The following ZNHIT6 variants were observed in gnomAD, a reference collection of about 807,000 sequenced individuals.
ZNHIT6 encodes zinc finger HIT-type containing 6.
Under a neutral mutation model 57.2 loss-of-function variants are expected in ZNHIT6, and 45 were observed. The ratio of observed to expected loss-of-function variants is 0.79; its 90% confidence interval spans 0.62 to 1.01. ZNHIT6 has a LOEUF of 1.01. ZNHIT6 is among the 50% of genes least tolerant of loss of function. The pLI is 0.00. For missense variants in ZNHIT6, 528 were observed against 567.3 expected (o/e 0.93, Z 0.70); for synonymous variants, 188 against 190.0 (o/e 0.99, Z 0.09).
chr1:85,685,595 T>C (rs1391919287), intron 5 of ZNHIT6, among the ~76,000 whole-genome samples: 1 of 152,246 alleles, frequency 6.6e-6, no homozygotes, highest in East Asian at 1.9e-4. Context: ...TTTCCTTTTT[T>C]GAGACAAGGT....
rs765314631 is a variant in ZNHIT6 at position 85,707,882 on chromosome 1, G to A, written c.403C>T (p.Pro135Ser). Residue 135 changes from proline to serine, a missense_variant, in exon 1 of 10, where the codon CCA becomes TCA. Physicochemically the swap from Pro to Ser is moderately conservative, Grantham distance 74. Coordinates refer to ENST00000370574, the MANE Select transcript of ZNHIT6 (RefSeq NM_017953.4). The part of the protein sequence containing the change: ...LVVKEAKVGE[P>S]EVKEEKVKEE... The stretch of plus-strand genomic sequence containing the variant: ...TTTACCTTCTCTTCCTTTACCTCTG[G>A]TTCACCCACCTTCGCTTCTTTTACC... 10 of 1,612,866 alleles carry A rather than the reference G, an allele frequency of 6.2e-6. No homozygotes were observed. The East Asian group carries it at 1.6e-4, about 25-fold the overall frequency.
chr1:85,681,931 T>C (rs2100684979), intron 5 of ZNHIT6, among the ~76,000 whole-genome samples: 1 of 152,078 alleles, frequency 6.6e-6, no homozygotes, highest in African/African-American at 2.4e-5. Context: ...GCAATATTCA[T>C]TATCTGTGAA....
At position 85,707,837 on chromosome 1, in the gene ZNHIT6, A is replaced by G; in HGVS notation, c.448T>C (p.Ser150Pro). Residue 150 changes from serine (S) to proline (P), a missense_variant, in exon 1 of 10, where the codon TCA (serine) becomes CCA (proline). Ser to Pro is a moderately conservative substitution (Grantham distance 74). Coordinates refer to ENST00000370574, the MANE Select transcript of ZNHIT6 (RefSeq NM_017953.4). ...TTATCCTTCTCTTCCTTCACTTCTG[A>G]CCAGTCCATTACCTCTTCCTTTACC... is the stretch of plus-strand genomic sequence containing the variant. ...EKVKEEVMDW[S>P]EVKEEKDNLE... 1.2e-6 allele frequency: 2 copies of G among 1,613,914 alleles called. No individual in the cohort carries two copies. The highest frequency in any genetic ancestry group is 1.7e-6 in the Non-Finnish European group (2 of 1,179,992).
chr1:85,656,764 T>G (rs1661071647), intron 9 of ZNHIT6, among the ~76,000 whole-genome samples: 1 of 152,180 alleles, frequency 6.6e-6, no homozygotes. Flanking sequence ...TCATGTTTGC[T>G]AACTAAAATC....
chr1:85,700,353 T>A (rs1334710189), intron 5 of ZNHIT6, among the ~76,000 whole-genome samples: 6 of 152,178 alleles, frequency 3.9e-5, no homozygotes, highest in Non-Finnish European at 8.8e-5. Context: ...ACATACTATG[T>A]TGCTAATCTC....
In ZNHIT6 at chr1:85,707,814, A is replaced by G. The variant is rs772328323; in HGVS notation, c.471T>C (p.Asp157=). The G allele has an allele frequency of 1.9e-6, 3 of 1,613,908 alleles. No homozygotes were observed. Among genetic ancestry groups the G allele is most frequent in the Admixed American group, 3.3e-5 (2 of 60,006 alleles). The change falls in exon 1 of 10, where the codon GAT becomes GAC. Residue 157 remains aspartate, a synonymous_variant. Transcript: ENST00000370574. Reference sequence around the variant, plus strand: ...TCTCCTCCTGTTTTATCTCCAAGTTATCCTTCTCTTCCTTCACTTCTGACC... The same window carrying G: ...TCTCCTCCTGTTTTATCTCCAAGTTGTCCTTCTCTTCCTTCACTTCTGACC... ...MDWSEVKEEK[D]NLEIKQEEKF...
chr1:85,708,077 C>T lies in ZNHIT6; in HGVS notation c.208G>A (p.Glu70Lys). The T allele has an allele frequency of 6.2e-7, 1 of 1,614,106 alleles. No individual in the cohort carries two copies. Among genetic ancestry groups the T allele is most frequent in the Non-Finnish European group, 8.5e-7 (1 of 1,180,026 alleles). Residue 70 changes from glutamate (E) to lysine (K), a missense_variant, in exon 1 of 10, where the codon GAA becomes AAA. Glu to Lys is a moderately conservative substitution (Grantham distance 56, BLOSUM62 1). Coordinates refer to ENST00000370574, the MANE Select transcript of ZNHIT6 (RefSeq NM_017953.4). The part of the protein sequence containing the change: ...GEEGSGQRPE[E>K]IPMDLTVVKQ... ...ACTACCGTTAGGTCCATCGGTATTT[C>T]CTCTGGCCTTTGTCCACTTCCTTCC...
In ZNHIT6 at chr1:85,708,403, A is replaced by G. The variant is rs1385215044; in HGVS notation, c.-119T>C. The G allele has an allele frequency of 3.0e-6, 4 of 1,312,354 alleles. No individual in the cohort carries two copies. In the African/African-American group the frequency reaches 5.9e-5, roughly 19 times the overall value. The allele number at this position is 1,312,354 out of a possible 1,614,324, so 81.3% of individuals were successfully genotyped here. A position where few individuals can be genotyped will look rare whatever the true frequency, so the allele number is the denominator to read the frequency against. On this transcript the variant is annotated 5_prime_UTR_variant, in exon 1 of 10. Coordinates refer to ENST00000370574, the MANE Select transcript of ZNHIT6 (RefSeq NM_017953.4). ...GGCCCACGTGTGGAGCCAAGCAGCC[A>G]CAAACCCGGAATAGCCTGCTTGACG...
At chr1:85,702,406 C>G (rs1570335355) in intron 4 of ZNHIT6, 146 bp from the exon 5 acceptor site, 2 of 597,582 alleles carry the variant, frequency 3.3e-6, no homozygotes, top group East Asian at 5.8e-5. Flanking sequence ...TAATCTTCAC[C>G]ATGATACTAT....
chr1:85,708,174 T>C lies in ZNHIT6; in HGVS notation c.111A>G (p.Ala37=), dbSNP rs1455297317. The change falls in exon 1 of 10, where the codon GCA becomes GCG. Residue 37 remains alanine (A), a synonymous_variant. Transcript: ENST00000370574. The part of the protein sequence containing the change: ...EPGREGVRDL[A]GAEEFGGGEE... ...CTCCGCCGCCGAACTCCTCCGCCCC[T>C]GCTAAGTCCCTTACTCCCTCCCTGC... The C allele has an allele frequency of 6.2e-7, 1 of 1,614,158 alleles. No individual in the cohort carries two copies. The highest frequency in any genetic ancestry group is 8.5e-7 in the Non-Finnish European group (1 of 1,180,022).
intron 8 of ZNHIT6, among the ~76,000 whole-genome samples, chr1:85,670,169 G>T (rs745513822): frequency 6.6e-6 from 1 of 151,856 alleles, no homozygotes; most frequent in East Asian, 1.9e-4. Flanking sequence ...AGCAGGAATC[G>T]GCAAACTACA....
At chr1:85,654,986 C>T (rs1450331540) in intron 9 of ZNHIT6, among the ~76,000 whole-genome samples, 1 of 152,096 alleles carries the variant, frequency 6.6e-6, no homozygotes, top group African/African-American at 2.4e-5. Context: ...CCTCATATTC[C>T]AACTGACAAG....
intron 5 of ZNHIT6, among the ~76,000 whole-genome samples, chr1:85,683,273 C>G (rs538367628): frequency 6.6e-6 from 1 of 150,872 alleles, no homozygotes; most frequent in South Asian, 2.1e-4. Context: ...AATCCCAGCA[C>G]TTTGGGAGGC....
chr1:85,699,325 G>A (rs1166256563), intron 5 of ZNHIT6, among the ~76,000 whole-genome samples: 2 of 151,950 alleles, frequency 1.3e-5, no homozygotes, highest in East Asian at 1.9e-4. Flanking sequence ...CCTCTTAAAG[G>A]TGAAGTATAA....
At chr1:85,664,037 T>C (rs1321187361) in intron 8 of ZNHIT6, among the ~76,000 whole-genome samples, 1 of 152,206 alleles carries the variant, frequency 6.6e-6, no homozygotes, top group Non-Finnish European at 1.5e-5. Flanking sequence ...TTAGGGATGA[T>C]CTTCTTGTGG....
At chr1:85,668,557 T>C (rs777347518) in intron 8 of ZNHIT6, among the ~76,000 whole-genome samples, 3 of 152,242 alleles carry the variant, frequency 2.0e-5, no homozygotes, top group Non-Finnish European at 2.9e-5. Flanking sequence ...CTGGAATTTC[T>C]TCAGTGTTCT....
rs147697484 is a variant in ZNHIT6 at position 85,700,469 on chromosome 1, G to A, written c.1019+1688C>T. On this transcript the variant is annotated intron_variant, in intron 5 of 9. Transcript: ENST00000370574. ...ATCTGATTTGCCATTTCAGAGACCCGGGGAGTTTCAAAACAACCAAAAATA... is the reference window on the plus strand; with the variant it reads ...ATCTGATTTGCCATTTCAGAGACCCAGGGAGTTTCAAAACAACCAAAAATA... 5.8e-3 allele frequency among the ~76,000 whole-genome samples: 885 copies of A among 152,124 alleles called. 10 individuals are homozygous for A. The highest frequency in any genetic ancestry group is 0.02 in the African/African-American group (841 of 41,490).
chr1:85,704,929 GCAAGAGTATGAAAAT>G (rs1662637371), intron 4 of ZNHIT6, among the ~76,000 whole-genome samples: 1 of 152,170 alleles, frequency 6.6e-6, no homozygotes, highest in South Asian at 2.1e-4. Flanking sequence ...AAAAAGGAAT[GCAAGAGTATGAAAAT>G]TAAGTGTATT....
chr1:85,679,895 T>G (rs1484687578), intron 6 of ZNHIT6, among the ~76,000 whole-genome samples: 1 of 152,214 alleles, frequency 6.6e-6, no homozygotes, highest in African/African-American at 2.4e-5. Context: ...AACATTAAAA[T>G]GTTTAAATGA....
Sources: gnomAD v4.1 joint callset for allele counts (sites outside exome capture counted in the v4.1 genomes callset) on GRCh38, gnomAD v4.1.1 for gene constraint, MANE v1.5 for transcripts, NCBI Gene and HGNC (gene_info 2026-07-23, HGNC 2026-07-21) for gene names.